CAMTA1: variants seen among roughly 807,000 people sequenced by gnomAD.
The protein encoded by CAMTA1 is calmodulin-binding transcription activator 1.
In CAMTA1, 27 loss-of-function variants were observed where a neutral mutation model predicts 170.9. The ratio of observed to expected loss-of-function variants is 0.16; its 90% confidence interval spans 0.12 to 0.22. The LOEUF is 0.22. Among genes scored for constraint, CAMTA1 ranks in the 10% least tolerant of loss-of-function variants. The probability of loss-of-function intolerance (pLI) is 1.00; values close to 1 mark genes in which losing one functional copy is unlikely to be tolerated. For synonymous variants in CAMTA1, 833 were observed against 891.5 expected, an observed-to-expected ratio of 0.93 and a Z score of 1.17; for missense variants, 1,619 against 2,217.2, an observed-to-expected ratio of 0.73 and a Z score of 5.42.
At chr1:6,924,067 G>C (rs1417434203) in intron 3 of CAMTA1, among the ~76,000 whole-genome samples, 2 of 152,198 alleles carry the variant, frequency 1.3e-5, no homozygotes, top group Non-Finnish European at 2.9e-5. Context: ...GTCAGTAAGA[G>C]ACTGTTAGGA....
chr1:7,543,891 T>C (rs1034115429), intron 6 of CAMTA1, among the ~76,000 whole-genome samples: 1 of 152,052 alleles, frequency 6.6e-6, no homozygotes, highest in African/African-American at 2.4e-5. Flanking sequence ...TCTTGGCAGA[T>C]GTCATGGAAA....
intron 4 of CAMTA1, among the ~76,000 whole-genome samples, chr1:7,244,333 C>T (rs939711936): frequency 1.3e-5 from 2 of 152,170 alleles, no homozygotes; most frequent in East Asian, 1.9e-4. Context: ...GTCGGTGTGG[C>T]GATTCCTCAG....
chr1:7,606,284 G>T (rs2095485872), intron 6 of CAMTA1, among the ~76,000 whole-genome samples: 2 of 152,186 alleles, frequency 1.3e-5, no homozygotes, highest in South Asian at 4.1e-4. Context: ...AGGAGTGGCT[G>T]GGGCAGGGCC....
At chr1:7,483,632 G>A (rs989701118) in intron 6 of CAMTA1, among the ~76,000 whole-genome samples, 4 of 152,182 alleles carry the variant, frequency 2.6e-5, no homozygotes, top group Non-Finnish European at 2.9e-5. Flanking sequence ...GGGGCCCAGC[G>A]TCCTGAGGGA....
In CAMTA1 at chr1:7,564,962, C is replaced by A. The variant is rs928975698; in HGVS notation, c.511-75438C>A. On this transcript the variant is annotated intron_variant, in intron 6 of 22. Transcript: ENST00000303635. ...GAAGGAGAGAGAGAAGCAAAGGAAGCAAGGTGGGAGAGTATGAGAGGGATG... is the reference window on the plus strand; with the variant it reads ...GAAGGAGAGAGAGAAGCAAAGGAAGAAAGGTGGGAGAGTATGAGAGGGATG... Among the ~76,000 whole-genome samples the A allele has an allele frequency of 4.6e-5, 7 of 151,382 alleles. 1 individual carries two copies. The highest frequency in any genetic ancestry group is 3.3e-4 in the Admixed American group (5 of 15,210).
At chr1:7,730,867 C>G (rs947099731) in intron 11 of CAMTA1, among the ~76,000 whole-genome samples, 4 of 151,938 alleles carry the variant, frequency 2.6e-5, no homozygotes, top group Admixed American at 6.6e-5. Context: ...CCATTGCACT[C>G]CAGCCTGGGC....
chr1:7,216,593 C>A lies in CAMTA1; in HGVS notation c.303-32898C>A, dbSNP rs1659786204. 6.6e-6 allele frequency among the ~76,000 whole-genome samples: 1 copy of A among 152,168 alleles called. No homozygotes were observed. ...TGTTGAGTTCTCGGCTCACTGCAATCCCCGCTTCCTGGGTTCAAGCAATCC... is the reference window on the plus strand; with the variant it reads ...TGTTGAGTTCTCGGCTCACTGCAATACCCGCTTCCTGGGTTCAAGCAATCC... On this transcript the variant is annotated intron_variant, in intron 4 of 22. Coordinates refer to ENST00000303635, the MANE Select transcript of CAMTA1 (RefSeq NM_015215.4). This position sits in a 1 kb window ranked among gnomAD's most constrained non-coding sequence, Gnocchi z 4.0.
Position 7,561,432 on chromosome 1 carries a change from C to A in CAMTA1, c.511-78968C>A, listed in dbSNP as rs193174335. ...GAGCCTCCTCTTGGGAGTCACATGG[C>A]CCCTGAGGGCATGGGACTCTCCCTG... On this transcript the variant is annotated intron_variant, in intron 6 of 22. Transcript: ENST00000303635. The surrounding 1 kb of genome is among the most constrained non-coding windows in gnomAD (Gnocchi z 5.3). Among the ~76,000 whole-genome samples the A allele has an allele frequency of 5.0e-3, 765 of 151,808 alleles. 8 individuals are homozygous for A. Among genetic ancestry groups the A allele is most frequent in the African/African-American group, 0.017 (722 of 41,406 alleles).
chr1:7,513,932 TACAC>T (rs962707333), intron 6 of CAMTA1, among the ~76,000 whole-genome samples: 1 of 75,762 alleles, frequency 1.3e-5, no homozygotes. Context: ...CAAAAACACA[TACAC>T]ACACACACAC....
Position 7,196,116 on chromosome 1 carries a change from G to A in CAMTA1, c.303-53375G>A, listed in dbSNP as rs891035975. On this transcript the variant is annotated intron_variant, in intron 4 of 22. Coordinates refer to ENST00000303635, the MANE Select transcript of CAMTA1 (RefSeq NM_015215.4). ...CCTGCAGGAGGTGATTGAATCACGG[G>A]TCAGGTTTCCCCCTTGCTGTTCTCG... Among the ~76,000 whole-genome samples the A allele has an allele frequency of 3.9e-5, 6 of 152,294 alleles. No homozygotes were observed. In the South Asian group the frequency reaches 1.2e-3, roughly 32 times the overall value.
intron 3 of CAMTA1, among the ~76,000 whole-genome samples, chr1:6,904,926 C>T (rs1023042842): frequency 1.3e-5 from 2 of 151,846 alleles, no homozygotes; most frequent in African/African-American, 4.8e-5. Context: ...GCTGAACACT[C>T]CGACTCGCTG....
chr1:6,893,919 T>A (rs1452170664), intron 3 of CAMTA1, among the ~76,000 whole-genome samples: 1 of 152,224 alleles, frequency 6.6e-6, no homozygotes, highest in Non-Finnish European at 1.5e-5. Context: ...AAATATTTAC[T>A]CCAATGATTA....
chr1:7,246,324 A>C (rs1665762913), intron 4 of CAMTA1, among the ~76,000 whole-genome samples: 1 of 152,234 alleles, frequency 6.6e-6, no homozygotes, highest in African/African-American at 2.4e-5. Context: ...TATAGGTATA[A>C]GTACGGATAT....
At chr1:6,796,104 A>G (rs1043495583) in intron 1 of CAMTA1, among the ~76,000 whole-genome samples, 7 of 126,032 alleles carry the variant, frequency 5.6e-5, no homozygotes, top group African/African-American at 2.1e-4. Flanking sequence ...GTGCTATGCT[A>G]TGGCTCCTTT....
chr1:7,404,610 C>CCTCA (rs1228365664), intron 5 of CAMTA1, among the ~76,000 whole-genome samples: 1 of 152,162 alleles, frequency 6.6e-6, no homozygotes, highest in Non-Finnish European at 1.5e-5. Context: ...GGGACCCTCT[C>CCTCA]CTCAGCTTGA....
chr1:7,442,118 G>A (rs2092558008), intron 5 of CAMTA1, among the ~76,000 whole-genome samples: 1 of 152,166 alleles, frequency 6.6e-6, no homozygotes, highest in Non-Finnish European at 1.5e-5. Flanking sequence ...TACTCTCCCA[G>A]TTCTTCCTGA....
intron 6 of CAMTA1, among the ~76,000 whole-genome samples, chr1:7,537,326 T>A (rs1234215231): frequency 3.9e-5 from 6 of 152,140 alleles, no homozygotes; most frequent in African/African-American, 1.4e-4. Context: ...GTCGGCAAAG[T>A]GGCCTCCCCC....
intron 4 of CAMTA1, among the ~76,000 whole-genome samples, chr1:7,171,487 C>G (rs370558194): frequency 1.2e-4 from 18 of 152,206 alleles, no homozygotes; most frequent in African/African-American, 4.3e-4. Context: ...AGGGCCAACA[C>G]AGACCAAGTG....
intron 3 of CAMTA1, among the ~76,000 whole-genome samples, chr1:7,023,009 A>T (rs1300975971): frequency 1.3e-5 from 2 of 152,164 alleles, no homozygotes; most frequent in East Asian, 3.8e-4. Flanking sequence ...GGCCCCAGGG[A>T]GCTGGAACCA....
Sources: gnomAD v4.1 joint callset for allele counts (sites outside exome capture counted in the v4.1 genomes callset) on GRCh38, gnomAD v4.1.1 for gene constraint, Gnocchi (gnomAD v3.1) non-coding constraint, MANE v1.5 for transcripts, NCBI Gene and HGNC (gene_info 2026-07-23, HGNC 2026-07-21) for gene names.